NALF1: variants seen among roughly 807,000 people sequenced by gnomAD.
NALF1 encodes the protein family with sequence similarity 155 member A.
A neutral mutation model predicts 48.4 loss-of-function variants in NALF1; 3 were observed. The observed-to-expected ratio is 0.06, with a 90% CI of 0.03 to 0.16. The LOEUF is 0.16. Among genes scored for constraint, NALF1 ranks in the 10% least tolerant of loss-of-function variants. The pLI is 1.00. For missense variants in NALF1, 526 were observed against 571.5 expected, an observed-to-expected ratio of 0.92 and a Z score of 0.81; for synonymous variants, 262 against 245.7, an observed-to-expected ratio of 1.07 and a Z score of -0.62.
intron 1 of NALF1, among the ~76,000 whole-genome samples, chr13:107,602,374 A>C (rs1285230591): frequency 6.6e-6 from 1 of 152,092 alleles, no homozygotes; most frequent in African/African-American, 2.4e-5. Flanking sequence ...CTCGACTAAA[A>C]TAACATCTGA....
intron 1 of NALF1, among the ~76,000 whole-genome samples, chr13:107,211,913 C>G (rs975244364): frequency 1.3e-5 from 2 of 152,088 alleles, no homozygotes; most frequent in Non-Finnish European, 1.5e-5. Flanking sequence ...AACTATTACT[C>G]ACATTTTGAA....
chr13:107,738,054 T>C (rs1876519108), intron 1 of NALF1, among the ~76,000 whole-genome samples: 1 of 152,192 alleles, frequency 6.6e-6, no homozygotes, highest in Admixed American at 6.5e-5. Context: ...ACACGGCTCT[T>C]TGCAGTCAGC....
chr13:107,311,920 C>A (rs1882054129), intron 1 of NALF1, among the ~76,000 whole-genome samples: 2 of 152,102 alleles, frequency 1.3e-5, no homozygotes, highest in South Asian at 2.1e-4. Context: ...AGTCAGGAAA[C>A]AACAGGTGCT....
intron 1 of NALF1, among the ~76,000 whole-genome samples, chr13:107,703,909 G>C (rs899552781): frequency 1.3e-5 from 2 of 152,066 alleles, no homozygotes; most frequent in Non-Finnish European, 2.9e-5. Flanking sequence ...TATTGAAATA[G>C]AGGTAAACAT....
At chr13:107,365,538 A>T (rs1230787791) in intron 1 of NALF1, among the ~76,000 whole-genome samples, 1 of 152,194 alleles carries the variant, frequency 6.6e-6, no homozygotes, top group Non-Finnish European at 1.5e-5. Flanking sequence ...AGAACAACAC[A>T]TGTATGGATA....
chr13:107,542,150 G>T (rs1877016421), intron 1 of NALF1, among the ~76,000 whole-genome samples: 1 of 152,112 alleles, frequency 6.6e-6, no homozygotes, highest in Non-Finnish European at 1.5e-5. Flanking sequence ...ATTCAGTCAT[G>T]AAAAAGAATG....
intron 1 of NALF1, among the ~76,000 whole-genome samples, chr13:107,630,163 TA>T (rs1228865301): frequency 7.4e-6 from 1 of 135,220 alleles, no homozygotes; most frequent in Non-Finnish European, 1.6e-5. Flanking sequence ...TGATTTTTCA[TA>T]AAAAATTTGC....
At chr13:107,459,505 G>GA (rs1003098020) in intron 1 of NALF1, among the ~76,000 whole-genome samples, 1 of 151,772 alleles carries the variant, frequency 6.6e-6, no homozygotes, top group Admixed American at 6.6e-5. Context: ...AAAAACATAA[G>GA]AAAAAAACAT....
At chr13:107,289,360 C>A (rs914265703) in intron 1 of NALF1, among the ~76,000 whole-genome samples, 1 of 152,184 alleles carries the variant, frequency 6.6e-6, no homozygotes, top group Non-Finnish European at 1.5e-5. Flanking sequence ...ACTGTTTAAT[C>A]CCCATGACTT....
chr13:107,332,585 C>T (rs1207081508), intron 1 of NALF1, among the ~76,000 whole-genome samples: 1 of 152,190 alleles, frequency 6.6e-6, no homozygotes, highest in African/African-American at 2.4e-5. Context: ...AAACTGAATT[C>T]CAATCTGCTT....
intron 1 of NALF1, among the ~76,000 whole-genome samples, chr13:107,520,779 C>T (rs753567615): frequency 1.3e-5 from 2 of 152,088 alleles, no homozygotes; most frequent in Non-Finnish European, 2.9e-5. Context: ...TGGCAGGGTG[C>T]CCCAGTCTTC....
At chr13:107,482,370 TTA>T (rs1885267194) in intron 1 of NALF1, among the ~76,000 whole-genome samples, 1 of 152,094 alleles carries the variant, frequency 6.6e-6, no homozygotes, top group South Asian at 2.1e-4. Flanking sequence ...GTCCTATTGG[TTA>T]TGTGTCTCCA....
chr13:107,680,653 A>AGT (rs200798976), intron 1 of NALF1, among the ~76,000 whole-genome samples: 77,382 of 151,496 alleles, frequency 0.51, 20,894 homozygotes, highest in Middle Eastern at 0.65. Context: ...TGTGCATATG[A>AGT]GTGTGTATGT....
In NALF1 at chr13:107,732,463, T is replaced by A. The variant is rs1252339914; in HGVS notation, c.915+133219A>T. ...ATTAGTTACTTAAAGCCAAACTGTCTAGTCTAAGGACAGCCATGCTGTCCT... is the reference window on the plus strand; with the variant it reads ...ATTAGTTACTTAAAGCCAAACTGTCAAGTCTAAGGACAGCCATGCTGTCCT... On this transcript the variant is annotated intron_variant, in intron 1 of 2. Coordinates refer to ENST00000375915, the MANE Select transcript of NALF1 (RefSeq NM_001080396.3). Among the ~76,000 whole-genome samples, 18 of 152,146 alleles carry A rather than the reference T, an allele frequency of 1.2e-4. 1 individual carries two copies. The highest frequency in any genetic ancestry group is 9.2e-4 in the Admixed American group (14 of 15,264).
intron 2 of NALF1, among the ~76,000 whole-genome samples, chr13:107,175,036 A>G (rs2806522): frequency 0.61 from 54,580 of 90,048 alleles, 16,781 homozygotes; most frequent in African/African-American, 0.71. Context: ...GGCGCCCGCC[A>G]CGACGCCCGG....
chr13:107,704,853 G>C (rs78087011), intron 1 of NALF1, among the ~76,000 whole-genome samples: 11,324 of 152,166 alleles, frequency 0.074, 472 homozygotes, highest in African/African-American at 0.1. Context: ...CATTGGGAGA[G>C]AGTGTGGGAA....
chr13:107,538,246 A>G (rs1022772164), intron 1 of NALF1, among the ~76,000 whole-genome samples: 3 of 152,140 alleles, frequency 2.0e-5, no homozygotes, highest in Non-Finnish European at 4.4e-5. Flanking sequence ...TTCTATTTGT[A>G]CAATCCATAT....
intron 1 of NALF1, among the ~76,000 whole-genome samples, chr13:107,757,441 A>AT (rs1555323751): frequency 1.5e-5 from 2 of 134,996 alleles, no homozygotes; most frequent in Non-Finnish European, 1.6e-5. Flanking sequence ...TTTTCAGTCA[A>AT]CAGGTACTAT....
rs534429039 is a variant in NALF1 at position 107,535,613 on chromosome 13, G to T, written c.916-324858C>A. On this transcript the variant is annotated intron_variant, in intron 1 of 2. Coordinates refer to ENST00000375915, the MANE Select transcript of NALF1 (RefSeq NM_001080396.3). The stretch of plus-strand genomic sequence containing the variant: ...AATGGAAGAACATTCCATGCTCATG[G>T]ATATGAAGAATCAATATTGTGAAAA... Among the ~76,000 whole-genome samples the T allele has an allele frequency of 6.6e-5, 10 of 152,246 alleles. No homozygotes were observed. In the East Asian group the frequency reaches 1.7e-3, roughly 26 times the overall value.
Sources: gnomAD v4.1 joint callset for allele counts (sites outside exome capture counted in the v4.1 genomes callset) on GRCh38, gnomAD v4.1.1 for gene constraint, MANE v1.5 for transcripts, NCBI Gene and HGNC (gene_info 2026-07-23, HGNC 2026-07-21) for gene names.